Variants in AGBL4 observed in about 807,000 individuals in gnomAD.
The protein encoded by AGBL4 is cytosolic carboxypeptidase 6.
A neutral mutation model predicts 66.4 loss-of-function variants in AGBL4; 58 were observed. The ratio of observed to expected loss-of-function variants is 0.87; its 90% CI spans 0.71 to 1.09. The LOEUF is 1.09. AGBL4 is among the 50% of genes least tolerant of loss of function. AGBL4 has a pLI of 0.00. For missense variants in AGBL4, 579 were observed against 631.0 expected (o/e 0.92, Z 0.88); for synonymous variants, 234 against 222.9 (o/e 1.05, Z -0.44).
intron 4 of AGBL4, among the ~76,000 whole-genome samples, chr1:49,083,703 G>A (rs1202885948): frequency 2.0e-5 from 3 of 152,206 alleles, no homozygotes; most frequent in Admixed American, 6.5e-5. Flanking sequence ...AATTTCTGCA[G>A]CTCTATTGAA....
intron 1 of AGBL4, among the ~76,000 whole-genome samples, chr1:49,923,947 C>A (rs1652513543): frequency 1.3e-5 from 2 of 152,164 alleles, no homozygotes; most frequent in South Asian, 4.1e-4. Context: ...TACCATTCAA[C>A]CCAGCAATCC....
At position 48,773,199 on chromosome 1, in the gene AGBL4, C is replaced by A. The variant is rs190899863; in HGVS notation, c.634+93992G>T. Among the ~76,000 whole-genome samples the A allele has an allele frequency of 1.8e-3, 273 of 152,038 alleles. 3 individuals carry two copies. The highest frequency in any genetic ancestry group is 1.5e-3 in the Non-Finnish European group (104 of 67,972). ...ACAGAGCACAGGTGCCTAGATAGAA[C>A]AACTTAAAATTTTAGGGCTCTAGGC... On this transcript the variant is annotated intron_variant, in intron 6 of 13. Transcript: ENST00000371839.
At chr1:49,568,522 C>CACACACACACAA (rs1353248760) in intron 3 of AGBL4, among the ~76,000 whole-genome samples, 1 of 150,526 alleles carries the variant, frequency 6.6e-6, no homozygotes, top group Non-Finnish European at 1.5e-5. Context: ...CACACACACA[C>CACACACACACAA]AAATGCCATG....
intron 3 of AGBL4, among the ~76,000 whole-genome samples, chr1:49,690,494 T>C (rs1400809134): frequency 1.3e-5 from 2 of 152,228 alleles, no homozygotes; most frequent in African/African-American, 2.4e-5. Flanking sequence ...CACTTACTAA[T>C]TGTATGATCT....
chr1:49,096,475 G>C lies in AGBL4; in HGVS notation c.378-50675C>G, dbSNP rs553591423. On this transcript the variant is annotated intron_variant, in intron 4 of 13. Coordinates refer to ENST00000371839, the MANE Select transcript of AGBL4 (RefSeq NM_032785.4). ...CAATGATAGACTGGATTAAGAAAAT[G>C]TGGCACATATACACCATGGAATACT... 6.6e-4 allele frequency among the ~76,000 whole-genome samples: 100 copies of C among 151,858 alleles called. No individual in the cohort carries two copies. The South Asian group carries it at 9.4e-3, about 14-fold the overall frequency.
At chr1:50,012,637 G>A (rs908539495) in intron 1 of AGBL4, among the ~76,000 whole-genome samples, 2 of 152,058 alleles carry the variant, frequency 1.3e-5, no homozygotes, top group East Asian at 1.9e-4. Context: ...AAACTCTTAA[G>A]CTTTCAAAAT....
In AGBL4 at chr1:49,473,710, C is replaced by A. The variant is rs111249651; in HGVS notation, c.282+223603G>T. The stretch of plus-strand genomic sequence containing the variant: ...ATTTAGTCATATTCTTTGCATAGAT[C>A]AATGTCTAGAAGAGTATTTCCTGGA... On this transcript the variant is annotated intron_variant, in intron 3 of 13. Transcript: ENST00000371839. Among the ~76,000 whole-genome samples, 263 of 152,106 alleles carry A rather than the reference C, an allele frequency of 1.7e-3. 1 individual carries two copies. The highest frequency in any genetic ancestry group is 5.9e-3 in the African/African-American group (245 of 41,532).
chr1:49,541,054 T>A (rs1050642798), intron 3 of AGBL4, among the ~76,000 whole-genome samples: 6 of 152,236 alleles, frequency 3.9e-5, no homozygotes. Context: ...AAGCATGTTT[T>A]AAAATGCAGT....
intron 6 of AGBL4, among the ~76,000 whole-genome samples, chr1:48,830,014 G>A (rs1400058735): frequency 1.3e-5 from 2 of 152,098 alleles, no homozygotes; most frequent in Non-Finnish European, 2.9e-5. Flanking sequence ...TCAAGGCTTG[G>A]TACCCATGTT....
chr1:48,723,930 G>T (rs1023411844), intron 6 of AGBL4, among the ~76,000 whole-genome samples: 1 of 152,220 alleles, frequency 6.6e-6, no homozygotes, highest in Admixed American at 6.5e-5. Context: ...AGTGAGTAGG[G>T]GCTGAGGTAG....
chr1:49,079,470 T>A (rs1295710634), intron 4 of AGBL4, among the ~76,000 whole-genome samples: 1 of 152,124 alleles, frequency 6.6e-6, no homozygotes, highest in African/African-American at 2.4e-5. Flanking sequence ...AGGAACACTA[T>A]GAAACCATCA....
At chr1:49,050,111 G>A (rs1004934889) in intron 4 of AGBL4, among the ~76,000 whole-genome samples, 2 of 152,074 alleles carry the variant, frequency 1.3e-5, no homozygotes, top group Non-Finnish European at 2.9e-5. Flanking sequence ...GTCCTGTAGT[G>A]TGTGCTTTCA....
chr1:48,535,225 G>C (rs140496797), intron 12 of AGBL4, among the ~76,000 whole-genome samples: 1 of 152,084 alleles, frequency 6.6e-6, no homozygotes, highest in Non-Finnish European at 1.5e-5. Context: ...ATGGGGACAC[G>C]AGAGAGCAAG....
intron 3 of AGBL4, among the ~76,000 whole-genome samples, chr1:49,250,667 C>T (rs1451719058): frequency 2.6e-5 from 4 of 152,096 alleles, no homozygotes; most frequent in African/African-American, 9.7e-5. Flanking sequence ...TGGTCTCGAA[C>T]TCTTGACCTC....
intron 3 of AGBL4, among the ~76,000 whole-genome samples, chr1:49,332,048 G>A (rs751461973): frequency 1.1e-4 from 16 of 152,226 alleles, no homozygotes; most frequent in Non-Finnish European, 2.4e-4. Flanking sequence ...CAGAGGGGCT[G>A]CTTTGTCTAG....
intron 1 of AGBL4, among the ~76,000 whole-genome samples, chr1:49,912,609 G>A (rs1650967277): frequency 6.6e-6 from 1 of 151,970 alleles, no homozygotes; most frequent in African/African-American, 2.4e-5. Context: ...GTAAGAGCTG[G>A]GCTTAAAACC....
chr1:49,231,060 G>T (rs1053900236), intron 4 of AGBL4, among the ~76,000 whole-genome samples: 4 of 152,124 alleles, frequency 2.6e-5, no homozygotes, highest in Non-Finnish European at 5.9e-5. Context: ...ACTATGTAGG[G>T]TTTTATGAAA....
At chr1:49,433,411 G>A (rs1645830229) in intron 3 of AGBL4, among the ~76,000 whole-genome samples, 2 of 152,100 alleles carry the variant, frequency 1.3e-5, no homozygotes, top group South Asian at 4.1e-4. Context: ...ACACCCAACT[G>A]GTGTCCACTA....
chr1:49,327,605 C>G (rs1444843195), intron 3 of AGBL4, among the ~76,000 whole-genome samples: 1 of 152,206 alleles, frequency 6.6e-6, no homozygotes, highest in Non-Finnish European at 1.5e-5. Context: ...AAGGCTATGT[C>G]TTCACATAGT....
Sources: gnomAD v4.1 joint callset for allele counts (sites outside exome capture counted in the v4.1 genomes callset) on GRCh38, gnomAD v4.1.1 for gene constraint, MANE v1.5 for transcripts, NCBI Gene and HGNC (gene_info 2026-07-23, HGNC 2026-07-21) for gene names.